Variants in AKAP19 observed in about 807,000 individuals in gnomAD.
The protein encoded by AKAP19 is A-kinase anchoring protein 19, also known as small A-kinase anchoring protein.
At chr2:190,059,553 A>T in the AKAP19 span, among the ~76,000 whole-genome samples, 1 of 152,006 alleles carries the variant, frequency 6.6e-6, no homozygotes, top group East Asian at 1.9e-4. Context: ...AATATATTTA[A>T]TAAAGTATAA....
At chr2:190,195,352 G>A in the AKAP19 span, among the ~76,000 whole-genome samples, 2 of 148,120 alleles carry the variant, frequency 1.4e-5, no homozygotes, top group African/African-American at 2.4e-5. Flanking sequence ...AAGCAGAACT[G>A]CTGGATCATA....
At chr2:190,143,765 C>T in the AKAP19 span, among the ~76,000 whole-genome samples, 1 of 150,680 alleles carries the variant, frequency 6.6e-6, no homozygotes, top group Non-Finnish European at 1.5e-5. Flanking sequence ...AGACTTGGAA[C>T]CAAGCCAAAT....
At chr2:190,148,052 G>A in the AKAP19 span, among the ~76,000 whole-genome samples, 1 of 152,048 alleles carries the variant, frequency 6.6e-6, no homozygotes, top group African/African-American at 2.4e-5. Flanking sequence ...TGTTGAAGAC[G>A]AGTGGTGAGG....
the AKAP19 span, among the ~76,000 whole-genome samples, chr2:189,946,601 T>C: frequency 0.15 from 23,439 of 152,212 alleles, 1,904 homozygotes; most frequent in Middle Eastern, 0.26. Context: ...GTTTCTCCTT[T>C]TAGCCATTAA....
the AKAP19 span, among the ~76,000 whole-genome samples, chr2:190,032,538 G>T: frequency 6.6e-6 from 1 of 152,074 alleles, no homozygotes; most frequent in Non-Finnish European, 1.5e-5. Flanking sequence ...AGGTGCCAAG[G>T]ACTAACTGGC....
chr2:190,198,631 C>T, the AKAP19 span, among the ~76,000 whole-genome samples: 2 of 70,594 alleles, frequency 2.8e-5, no homozygotes, highest in Non-Finnish European at 5.2e-5. Context: ...GACCCTGTCT[C>T]AAAAAAAAAA....
the AKAP19 span, among the ~76,000 whole-genome samples, chr2:190,123,299 ACT>A: frequency 6.6e-6 from 1 of 151,742 alleles, no homozygotes; most frequent in Non-Finnish European, 1.5e-5. Flanking sequence ...TGTTCTTAGC[ACT>A]CTGACTTTTA....
At chr2:190,075,308 A>G in the AKAP19 span, among the ~76,000 whole-genome samples, 1 of 152,012 alleles carries the variant, frequency 6.6e-6, no homozygotes, top group South Asian at 2.1e-4. Context: ...GGCCCACCTT[A>G]TGTTCTATCT....
the AKAP19 span, among the ~76,000 whole-genome samples, chr2:190,143,134 G>T: frequency 6.6e-6 from 1 of 152,038 alleles, no homozygotes. Flanking sequence ...GCCATTTTGG[G>T]TCCAGTCAGT....
the AKAP19 span, among the ~76,000 whole-genome samples, chr2:189,985,335 C>A: frequency 6.6e-6 from 1 of 152,272 alleles, no homozygotes; most frequent in Non-Finnish European, 1.5e-5. Flanking sequence ...CCATCATTTT[C>A]CATCTTCTTG....
chr2:189,940,587 C>A, the AKAP19 span, among the ~76,000 whole-genome samples: 17 of 150,236 alleles, frequency 1.1e-4, no homozygotes, highest in African/African-American at 3.7e-4. Context: ...AGAAAGCTTT[C>A]AAAAAAAAAC....
the AKAP19 span, among the ~76,000 whole-genome samples, chr2:189,974,692 G>A: frequency 6.6e-6 from 1 of 152,118 alleles, no homozygotes; most frequent in South Asian, 2.1e-4. Context: ...TGCATATTTA[G>A]GATAGTTCTT....
At chr2:190,053,654 C>T in the AKAP19 span, among the ~76,000 whole-genome samples, 1 of 152,006 alleles carries the variant, frequency 6.6e-6, no homozygotes, top group Admixed American at 6.6e-5. Flanking sequence ...CATGACTTGC[C>T]TATCATTGCC....
chr2:190,096,521 G>A, the AKAP19 span, among the ~76,000 whole-genome samples: 11 of 152,238 alleles, frequency 7.2e-5, no homozygotes, highest in Non-Finnish European at 1.0e-4. Flanking sequence ...CTATTTCAGG[G>A]AGTTTGCTGC....
chr2:189,927,376 C>T, the AKAP19 span, among the ~76,000 whole-genome samples: 4 of 151,860 alleles, frequency 2.6e-5, no homozygotes, highest in African/African-American at 9.7e-5. Flanking sequence ...AAAATGAAAT[C>T]GAATTAACAG....
chr2:189,934,604 ATACTTAGTTT>A, the AKAP19 span, among the ~76,000 whole-genome samples: 1 of 137,840 alleles, frequency 7.3e-6, no homozygotes, highest in Non-Finnish European at 1.5e-5. Context: ...ATTTCCTGTT[ATACTTAGTTT>A]TACATAATCT....
the AKAP19 span, among the ~76,000 whole-genome samples, chr2:190,099,229 C>T: frequency 6.6e-6 from 1 of 152,330 alleles, no homozygotes; most frequent in South Asian, 2.1e-4. Context: ...GACATACCTT[C>T]CTCACTAAGC....
the AKAP19 span, among the ~76,000 whole-genome samples, chr2:190,186,477 C>T: frequency 1.3e-5 from 2 of 152,138 alleles, no homozygotes; most frequent in South Asian, 2.1e-4. The surrounding 1 kb of genome is among the most constrained non-coding windows in gnomAD (Gnocchi z 5.5). Context: ...GCTCTAAGTG[C>T]CTAAGGATGA....
At chr2:189,988,591 T>C in the AKAP19 span, among the ~76,000 whole-genome samples, 3 of 152,232 alleles carry the variant, frequency 2.0e-5, no homozygotes, top group African/African-American at 7.2e-5. Context: ...CTTCTAGATA[T>C]CTTGGACTTT....
Sources: gnomAD v4.1 joint callset for allele counts (sites outside exome capture counted in the v4.1 genomes callset) on GRCh38, gnomAD v4.1.1 for gene constraint, Gnocchi (gnomAD v3.1) non-coding constraint, MANE v1.5 for transcripts, NCBI Gene and HGNC (gene_info 2026-07-23, HGNC 2026-07-21) for gene names.